Variants in ZDHHC14 observed in about 807,000 individuals in gnomAD.
The protein encoded by ZDHHC14 is palmitoyltransferase ZDHHC14.
In ZDHHC14, 16 loss-of-function variants were observed where a neutral mutation model predicts 47.7. That is an observed-to-expected ratio of 0.34 (90% confidence interval 0.23 to 0.51). The LOEUF (loss-of-function observed/expected upper bound fraction) is 0.51, where lower values mean the gene tolerates loss of function less well. ZDHHC14 is among the 20% of genes least tolerant of loss of function. The pLI is 0.97. For missense variants in ZDHHC14, 515 were observed against 662.5 expected, an observed-to-expected ratio of 0.78 and a Z score of 2.44; for synonymous variants, 293 against 278.9, an observed-to-expected ratio of 1.05 and a Z score of -0.50.
At chr6:157,494,720 T>C (rs1432291076) in intron 1 of ZDHHC14, among the ~76,000 whole-genome samples, 2 of 152,236 alleles carry the variant, frequency 1.3e-5, no homozygotes, top group Admixed American at 1.3e-4. Flanking sequence ...GAAATAAGTT[T>C]TTAAAAATCC....
chr6:157,522,339 G>A (rs760643156), intron 1 of ZDHHC14, among the ~76,000 whole-genome samples: 7 of 152,210 alleles, frequency 4.6e-5, no homozygotes, highest in Non-Finnish European at 1.0e-4. Flanking sequence ...TTGGAGTTTA[G>A]ACTTGATGCG....
chr6:157,461,836 A>G (rs1779094128), intron 1 of ZDHHC14, among the ~76,000 whole-genome samples: 1 of 152,138 alleles, frequency 6.6e-6, no homozygotes, highest in African/African-American at 2.4e-5. Flanking sequence ...CGGCTTGCAG[A>G]ATGAAGGATT....
intron 5 of ZDHHC14, among the ~76,000 whole-genome samples, chr6:157,640,610 G>C (rs188006596): frequency 4.1e-4 from 63 of 152,254 alleles, no homozygotes; most frequent in African/African-American, 1.5e-3. Context: ...CTTACTCAGG[G>C]GTGTCCAGAG....
intron 6 of ZDHHC14, 105 bp from the exon 7 acceptor site, chr6:157,647,154 T>G: frequency 1.3e-6 from 1 of 767,022 alleles, no homozygotes; most frequent in Non-Finnish European, 2.1e-6. Flanking sequence ...TTTCTTTGGA[T>G]TAAAGATGAT....
At chr6:157,655,212 G>A (rs772240799) in intron 8 of ZDHHC14, among the ~76,000 whole-genome samples, 1 of 152,160 alleles carries the variant, frequency 6.6e-6, no homozygotes, top group African/African-American at 2.4e-5. Context: ...AGACAGGCTC[G>A]CAGGAAAGGG....
At chr6:157,533,404 A>G (rs532226966) in intron 1 of ZDHHC14, among the ~76,000 whole-genome samples, 13 of 152,176 alleles carry the variant, frequency 8.5e-5, no homozygotes, top group Non-Finnish European at 1.9e-4. Context: ...GGAGGGCTGC[A>G]GTTTGGAGAT....
chr6:157,673,514 A>T lies in ZDHHC14; in HGVS notation c.*392A>T. On this transcript the variant is annotated 3_prime_UTR_variant, in exon 9 of 9. Coordinates refer to ENST00000359775, the MANE Select transcript of ZDHHC14 (RefSeq NM_024630.3). The surrounding 1 kb of genome is among the most constrained non-coding windows in gnomAD (Gnocchi z 5.4). The stretch of plus-strand genomic sequence containing the variant: ...TACTAATATTTGAAACAGACCTGCC[A>T]TTCCATTTGTTAATTAAAAAAAAAA... The T allele has an allele frequency of 5.3e-6, 1 of 188,174 alleles. No homozygotes were observed. The highest frequency in any genetic ancestry group is 1.1e-5 in the Non-Finnish European group (1 of 93,296). The allele number at this position is 188,174 out of a possible 1,614,324, so 11.7% of individuals were successfully genotyped here.
chr6:157,576,930 CGT>C (rs1193949051), intron 2 of ZDHHC14, among the ~76,000 whole-genome samples: 2 of 152,068 alleles, frequency 1.3e-5, no homozygotes, highest in Non-Finnish European at 2.9e-5. Context: ...AGGTAAACCG[CGT>C]GTCATGGAGG....
chr6:157,670,374 A>G (rs1170660451), intron 8 of ZDHHC14, among the ~76,000 whole-genome samples: 2 of 152,088 alleles, frequency 1.3e-5, no homozygotes, highest in Non-Finnish European at 2.9e-5. Flanking sequence ...GCTCACTGGA[A>G]CCTCTGCCTT....
chr6:157,499,479 G>GCCC lies in ZDHHC14; in HGVS notation c.246-43102_246-43100dup, dbSNP rs1043228228. Among the ~76,000 whole-genome samples the GCCC allele has an allele frequency of 5.8e-3, 855 of 146,540 alleles. 18 individuals carry two copies. Among genetic ancestry groups the GCCC allele is most frequent in the Non-Finnish European group, 9.5e-3 (628 of 65,842 alleles). ...CATTTAACTTGTGTCACCTCTCAAA[G>GCCC]CCCCCCACCCCGATATCATCCCATT... is the stretch of plus-strand genomic sequence containing the variant. On this transcript the variant is annotated intron_variant, in intron 1 of 8. Transcript: ENST00000359775.
At chr6:157,632,763 T>G (rs1262602657) in intron 4 of ZDHHC14, 71 bp from the exon 5 acceptor site, 1 of 1,364,226 alleles carries the variant, frequency 7.3e-7, no homozygotes, top group Non-Finnish European at 1.0e-6. Flanking sequence ...ATTATTTTTT[T>G]GTAGATGAGA....
rs374293273 is a variant in ZDHHC14 at position 157,618,618 on chromosome 6, G to A, written c.566-9731G>A. Among the ~76,000 whole-genome samples the A allele has an allele frequency of 1.6e-4, 24 of 152,198 alleles. No homozygotes were observed. The South Asian group carries it at 2.1e-3, about 13-fold the overall frequency. On this transcript the variant is annotated intron_variant, in intron 3 of 8. Coordinates refer to ENST00000359775, the MANE Select transcript of ZDHHC14 (RefSeq NM_024630.3). The stretch of plus-strand genomic sequence containing the variant: ...ATTACAGGCATGAGCCCCCGCGCCC[G>A]GCCACATGACGGATTTTACCATGGT...
At chr6:157,539,902 G>A (rs1178445693) in intron 1 of ZDHHC14, among the ~76,000 whole-genome samples, 2 of 152,252 alleles carry the variant, frequency 1.3e-5, no homozygotes, top group African/African-American at 2.4e-5. Context: ...TACTTAAAGC[G>A]ACAAGGACTT....
At position 157,416,846 on chromosome 6, in the gene ZDHHC14, G is replaced by A. The variant is rs142077022; in HGVS notation, c.245+34580G>A. On this transcript the variant is annotated intron_variant, in intron 1 of 8. Transcript: ENST00000359775. ...TTTGAGACAAAAGTCTCGAACTGTC[G>A]CTCAGGCTGGAGTGCAATGGCGTGA... Among the ~76,000 whole-genome samples the A allele has an allele frequency of 1.8e-3, 262 of 146,018 alleles. 1 individual carries two copies. Among genetic ancestry groups the A allele is most frequent in the Middle Eastern group, 7.2e-3 (2 of 276 alleles).
At chr6:157,452,690 A>ATTT (rs747862336) in intron 1 of ZDHHC14, among the ~76,000 whole-genome samples, 749 of 72,958 alleles carry the variant, frequency 0.01, 82 homozygotes, top group Non-Finnish European at 0.014. Context: ...ATACATGGGG[A>ATTT]TTTTTTTTTT....
chr6:157,531,863 C>T (rs909317940), intron 1 of ZDHHC14, among the ~76,000 whole-genome samples: 6 of 152,256 alleles, frequency 3.9e-5, no homozygotes, highest in African/African-American at 1.2e-4. Context: ...TTCGTAACGC[C>T]GAAGACACTT....
chr6:157,465,564 A>G lies in ZDHHC14; in HGVS notation c.246-77021A>G, dbSNP rs150274113. On this transcript the variant is annotated intron_variant, in intron 1 of 8. Transcript: ENST00000359775. ...TAGGGAGTCTGGATTGAACCATGGC[A>G]TCTGGATAGTTAATGCCGTTCTATT... Among the ~76,000 whole-genome samples the G allele has an allele frequency of 2.8e-4, 42 of 152,218 alleles. No individual in the cohort carries two copies. In the East Asian group the frequency reaches 6.4e-3, roughly 23 times the overall value.
intron 1 of ZDHHC14, among the ~76,000 whole-genome samples, chr6:157,480,813 G>C (rs1037874236): frequency 2.7e-5 from 4 of 147,670 alleles, no homozygotes; most frequent in Non-Finnish European, 6.2e-5. Flanking sequence ...GAGAATGTTT[G>C]AACGGGCATC....
Position 157,676,704 on chromosome 6 carries a change from T to G in ZDHHC14, c.*3582T>G, listed in dbSNP as rs1778975922. 1 of 152,254 alleles carries G rather than the reference T, an allele frequency of 6.6e-6. No homozygotes were observed. The highest frequency in any genetic ancestry group is 1.5e-5 in the Non-Finnish European group (1 of 68,082). The allele number at this position is 152,254 out of a possible 1,614,324, so 9.4% of individuals were successfully genotyped here. A position where few individuals can be genotyped will look rare whatever the true frequency, so the allele number is the denominator to read the frequency against. On this transcript the variant is annotated 3_prime_UTR_variant, in exon 9 of 9. Coordinates refer to ENST00000359775, the MANE Select transcript of ZDHHC14 (RefSeq NM_024630.3). ...CTGGAACCAGAACTGGTCAGAGACTTTGAAGGGCACAGCCTGGCGGGCTAC... is the reference window on the plus strand; with the variant it reads ...CTGGAACCAGAACTGGTCAGAGACTGTGAAGGGCACAGCCTGGCGGGCTAC...
Sources: allele counts gnomAD v4.1 joint callset (sites outside exome capture counted in the v4.1 genomes callset), GRCh38; gene constraint gnomAD v4.1.1; non-coding constraint Gnocchi (gnomAD v3.1); transcripts MANE v1.5; gene names NCBI Gene and HGNC (gene_info 2026-07-23, HGNC 2026-07-21).